The following LIPJ variants were observed in gnomAD, a reference collection of about 807,000 sequenced individuals.
The protein encoded by LIPJ is lipase family member J.
In LIPJ, 33 loss-of-function variants were observed where a neutral mutation model predicts 39.8. The observed-to-expected ratio is 0.83, with a 90% CI of 0.63 to 1.11. The LOEUF (loss-of-function observed/expected upper bound fraction) is 1.11, where lower values mean the gene tolerates loss of function less well. LIPJ is among the 50% of genes least tolerant of loss of function. LIPJ has a pLI of 0.00. For missense variants in LIPJ, 422 were observed against 427.9 expected (o/e 0.99, Z 0.12); for synonymous variants, 128 against 139.2 (o/e 0.92, Z 0.57).
rs74777687 is a variant in LIPJ at position 88,594,666 on chromosome 10, G to C, written c.330-1G>C. The C allele has an allele frequency of 0.011, 16,045 of 1,475,610 alleles. 446 individuals carry two copies. Among genetic ancestry groups the C allele is most frequent in the South Asian group, 0.079 (5,737 of 72,946 alleles). 91.4% of individuals were successfully genotyped at this position (1,475,610 alleles called of 1,614,324 possible). A position where few individuals can be genotyped will look rare whatever the true frequency, so the allele number is the denominator to read the frequency against. ...TTTTTATTTTCCTCTTTCTTTTGTA[G>C]TTTTGATGAGATGGCAAAATATGAC... On this transcript the variant is annotated splice_acceptor_variant, in intron 5 of 10. Transcript: ENST00000371939. LOFTEE classifies it high-confidence loss of function.
chr10:88,588,901 A>G (rs1850996392), intron 2 of LIPJ, among the ~76,000 whole-genome samples: 1 of 151,832 alleles, frequency 6.6e-6, no homozygotes, highest in African/African-American at 2.4e-5. Context: ...CATTCAGTTT[A>G]AACATTTCCC....
chr10:88,596,272 T>C lies in LIPJ; in HGVS notation c.440-8T>C. The C allele has an allele frequency of 7.4e-7, 1 of 1,347,530 alleles. No individual in the cohort carries two copies. Among genetic ancestry groups the C allele is most frequent in the Non-Finnish European group, 9.8e-7 (1 of 1,019,212 alleles). The allele number at this position is 1,347,530 out of a possible 1,614,324, so 83.5% of individuals were successfully genotyped here. On this transcript the variant is annotated splice_polypyrimidine_tract_variant and splice_region_variant and intron_variant, in intron 6 of 10. Transcript: ENST00000371939. ...TAGCTTACTAATTTATATCTTATTT[T>C]ATTTTAGGTTTCATAACATTTTCTA...
upstream of LIPJ, chr10:88,583,200 G>T (rs201278032): frequency 2.9e-5 from 47 of 1,613,466 alleles, no homozygotes; most frequent in South Asian, 4.5e-4. Context: ...TGGCGAGAGG[G>T]AGCAGCGATC....
chr10:88,594,737 G>T lies in LIPJ; in HGVS notation c.400G>T (p.Glu134Ter). ...CACTGTGAAGCAAACCAGACAAGAG[G>T]AAATATTTTATGTAGGCCATTCACA... The change falls in exon 6 of 11, where the codon GAA becomes TAA. Residue 134 changes from glutamate to a stop codon, truncating the protein, a stop_gained. Transcript: ENST00000371939. LOFTEE classifies it high-confidence loss of function. 1 of 1,567,232 alleles carries T rather than the reference G, an allele frequency of 6.4e-7. No individual in the cohort carries two copies. The highest frequency in any genetic ancestry group is 1.2e-5 in the South Asian group (1 of 81,584).
chr10:88,584,281 A>G (rs1850829011), upstream of LIPJ: 1 of 152,202 alleles, frequency 6.6e-6, no homozygotes, highest in African/African-American at 2.4e-5. Context: ...TATGACTAAG[A>G]AGACATTTTT....
the LIPJ span, among the ~76,000 whole-genome samples, chr10:88,613,240 T>TA: frequency 5.9e-5 from 9 of 152,068 alleles, no homozygotes; most frequent in African/African-American, 2.2e-4. Context: ...AAGAGACCTA[T>TA]AGGTGACAAA....
intron 8 of LIPJ, among the ~76,000 whole-genome samples, chr10:88,599,961 TC>T (rs1425901575): frequency 6.6e-6 from 1 of 151,992 alleles, no homozygotes; most frequent in Non-Finnish European, 1.5e-5. Flanking sequence ...TATCTGGTAT[TC>T]TTTTTATTTC....
intron 5 of LIPJ, 152 bp downstream of exon 5, chr10:88,594,296 A>T: frequency 1.6e-6 from 1 of 620,342 alleles, no homozygotes; most frequent in Non-Finnish European, 2.8e-6. Context: ...CTTGAAAATT[A>T]AAGAGTACTT....
chr10:88,613,041 C>T, the LIPJ span, among the ~76,000 whole-genome samples: 1 of 152,156 alleles, frequency 6.6e-6, no homozygotes, highest in Non-Finnish European at 1.5e-5. Context: ...AGTACTCTCT[C>T]AGACCACAGT....
intron 8 of LIPJ, among the ~76,000 whole-genome samples, chr10:88,597,984 A>C (rs2134562970): frequency 6.6e-6 from 1 of 152,098 alleles, no homozygotes; most frequent in Non-Finnish European, 1.5e-5. Flanking sequence ...AATTATTAGA[A>C]AAGCTTACAC....
At chr10:88,590,561 T>C (rs1400407750) in intron 2 of LIPJ, 24 bp from the exon 3 acceptor site, 1 of 729,680 alleles carries the variant, frequency 1.4e-6, no homozygotes, top group African/African-American at 1.8e-5. Context: ...TTTAACTGTA[T>C]AAACATCTCC....
upstream of LIPJ, chr10:88,584,192 T>C (rs544840919): frequency 9.9e-5 from 15 of 151,898 alleles, 2 homozygotes; most frequent in South Asian, 3.1e-3. Flanking sequence ...ATGAAAAAAA[T>C]TACCATGTAT....
intron 8 of LIPJ, among the ~76,000 whole-genome samples, chr10:88,598,967 A>ATT (rs1564935808): frequency 2.7e-5 from 4 of 145,720 alleles, no homozygotes; most frequent in African/African-American, 1.0e-4. Context: ...AATATAATAT[A>ATT]TTATATTATT....
chr10:88,596,842 T>A lies in LIPJ; in HGVS notation c.629T>A (p.Ile210Asn), dbSNP rs1254390690. ...CCTAAAACCTCATTTAAAAAATTCA[T>A]TGGTTCAAAGCTGTGTCCACTACAG... The change falls in exon 8 of 11, where the codon ATT becomes AAT. Residue 210 changes from isoleucine (I) to asparagine (N), a missense_variant. Transcript: ENST00000371939. The A allele has an allele frequency of 7.5e-6, 12 of 1,600,080 alleles. No individual in the cohort carries two copies. In the East Asian group the frequency reaches 2.7e-4, roughly 36 times the overall value.
chr10:88,622,059 C>T, the LIPJ span, among the ~76,000 whole-genome samples: 1 of 152,138 alleles, frequency 6.6e-6, no homozygotes, highest in African/African-American at 2.4e-5. Flanking sequence ...GTGTTGACTG[C>T]TAAGAAATCA....
At chr10:88,616,845 G>A in the LIPJ span, among the ~76,000 whole-genome samples, 1 of 152,178 alleles carries the variant, frequency 6.6e-6, no homozygotes, top group South Asian at 2.1e-4. Context: ...AGTCTCTAGA[G>A]GACTGAAACC....
intron 3 of LIPJ, among the ~76,000 whole-genome samples, 167 bp from the exon 4 acceptor site, chr10:88,591,211 T>G (rs1218910707): frequency 6.6e-6 from 1 of 151,886 alleles, no homozygotes; most frequent in Non-Finnish European, 1.5e-5. Context: ...TTTACAAATA[T>G]TTATTATCTG....
At chr10:88,612,564 C>T in the LIPJ span, among the ~76,000 whole-genome samples, 57 of 152,020 alleles carry the variant, frequency 3.7e-4, 1 homozygote, top group African/African-American at 1.4e-3. Context: ...AAATGGACAC[C>T]AAAAGCTAGC....
upstream of LIPJ, chr10:88,583,158 C>T: frequency 6.2e-7 from 1 of 1,614,034 alleles, no homozygotes; most frequent in Non-Finnish European, 8.5e-7. Context: ...AGCTTCCTGT[C>T]ATCCCGGCGC....
Sources: gnomAD v4.1 joint callset for allele counts (sites outside exome capture counted in the v4.1 genomes callset) on GRCh38, gnomAD v4.1.1 for gene constraint, MANE v1.5 for transcripts, NCBI Gene and HGNC (gene_info 2026-07-23, HGNC 2026-07-21) for gene names.